Variants in AGO1 observed in about 807,000 individuals in gnomAD.
AGO1 encodes argonaute RISC component 1, also known as protein argonaute-1.
In AGO1, 11 loss-of-function variants were observed where a neutral mutation model predicts 109.2. That is an observed-to-expected ratio of 0.10 (90% CI 0.06 to 0.17). The LOEUF is 0.17. AGO1 is among the 10% of genes least tolerant of loss of function. The pLI, the probability that AGO1 is intolerant of heterozygous loss-of-function variation, is 1.00. For synonymous variants in AGO1, 422 were observed against 418.6 expected, an observed-to-expected ratio of 1.01 and a Z score of -0.10; for missense variants, 574 against 1,140.3, an observed-to-expected ratio of 0.50 and a Z score of 7.15.
intron 1 of AGO1, among the ~76,000 whole-genome samples, chr1:35,885,646 C>G (rs2148707325): frequency 6.6e-6 from 1 of 152,316 alleles, no homozygotes; most frequent in Admixed American, 6.5e-5. Flanking sequence ...CCCCCAAAAA[C>G]TAAAGCATTG....
intron 1 of AGO1, among the ~76,000 whole-genome samples, chr1:35,884,353 T>C (rs1315868862): frequency 3.3e-5 from 5 of 151,990 alleles, no homozygotes; most frequent in Admixed American, 6.5e-5. Flanking sequence ...GGAAAGGTAT[T>C]GGTTACGGAG....
intron 10 of AGO1, 30 bp downstream of exon 10, chr1:35,902,100 C>G: frequency 1.3e-6 from 2 of 1,588,582 alleles, no homozygotes; most frequent in Non-Finnish European, 1.7e-6. Context: ...GACAACATCT[C>G]GGGGCATATG....
At chr1:35,881,511 G>A (rs185542172), upstream of AGO1, among the ~76,000 whole-genome samples, 1 of 152,196 alleles carries the variant, frequency 6.6e-6, no homozygotes, top group African/African-American at 2.4e-5. Context: ...TAGTAGAGAC[G>A]AGACTTCACT....
In AGO1 at chr1:35,914,102, G is replaced by T. The variant is rs571075532; in HGVS notation, c.1743-82G>T. ...GGCAGACTGAATCAGACATAAGGGGGAGAAGAGCAGAGTGGGTACTGGATG... is the reference window on the plus strand; with the variant it reads ...GGCAGACTGAATCAGACATAAGGGGTAGAAGAGCAGAGTGGGTACTGGATG... On this transcript the variant is annotated intron_variant, in intron 13 of 18. Transcript: ENST00000373204. 1.9e-6 allele frequency: 3 copies of T among 1,591,400 alleles called. No homozygotes were observed. In the African/African-American group the frequency reaches 4.0e-5, roughly 21 times the overall value.
chr1:35,894,218 T>C, intron 6 of AGO1, 47 bp downstream of exon 6: 1 of 1,577,596 alleles, frequency 6.3e-7, no homozygotes, highest in Non-Finnish European at 8.6e-7. Flanking sequence ...ACTTTAGCCC[T>C]AAGAGGAAAT....
chr1:35,908,600 GTT>G (rs1194946119), intron 12 of AGO1, among the ~76,000 whole-genome samples: 1 of 152,162 alleles, frequency 6.6e-6, no homozygotes, highest in Non-Finnish European at 1.5e-5. Flanking sequence ...CTTAGAAAGT[GTT>G]TTGTTGGACC....
At chr1:35,870,346 C>G (rs1644938342) in intron 1 of AGO1, among the ~76,000 whole-genome samples, 1 of 151,934 alleles carries the variant, frequency 6.6e-6, no homozygotes, top group African/African-American at 2.4e-5. Context: ...TGCAGTGGCG[C>G]CATCTCGACC....
chr1:35,889,380 T>G (rs906597577), intron 2 of AGO1, among the ~76,000 whole-genome samples: 6 of 151,772 alleles, frequency 4.0e-5, no homozygotes, highest in African/African-American at 1.5e-4. Context: ...TGGCTAATTT[T>G]TTTGTATTTT....
intron 15 of AGO1, among the ~76,000 whole-genome samples, chr1:35,915,933 T>C (rs1645726624): frequency 6.6e-6 from 1 of 152,230 alleles, no homozygotes; most frequent in Admixed American, 6.5e-5. Context: ...GACAAGTTCT[T>C]AGGCGATGCT....
chr1:35,893,023 C>T lies in AGO1; in HGVS notation c.331-74C>T, dbSNP rs150823139. The T allele has an allele frequency of 1.1e-5, 15 of 1,410,418 alleles. No homozygotes were observed. The highest frequency in any genetic ancestry group is 1.2e-5 in the Non-Finnish European group (12 of 1,029,594). 87.4% of individuals were successfully genotyped at this position (1,410,418 alleles called of 1,614,324 possible). On this transcript the variant is annotated intron_variant, in intron 3 of 18. Transcript: ENST00000373204. This position sits in a 1 kb window ranked among gnomAD's most constrained non-coding sequence, Gnocchi z 5.6. ...ATCAACTTGAAAAACATGTTCTCAG[C>T]AAATCCATGGAGTTGGGGGTCATTC...
chr1:35,903,349 C>T lies in AGO1; in HGVS notation c.1397+1012C>T, dbSNP rs59728518. On this transcript the variant is annotated intron_variant, in intron 11 of 18. Transcript: ENST00000373204. ...TTATTGAGATAGGTTTAAAATGCCA[C>T]AAAACTCAGTTAGTTGTTTCATAGA... 8.0e-3 allele frequency among the ~76,000 whole-genome samples: 1,206 copies of T among 151,136 alleles called. 16 individuals are homozygous for T. The highest frequency in any genetic ancestry group is 0.028 in the African/African-American group (1,131 of 41,120).
intron 12 of AGO1, among the ~76,000 whole-genome samples, chr1:35,912,287 A>C (rs888087993): frequency 1.5e-5 from 2 of 135,010 alleles, no homozygotes; most frequent in South Asian, 5.2e-4. Flanking sequence ...TGAACCCGGG[A>C]GGCGGAGCTT....
chr1:35,896,332 G>A (rs1364975849), intron 8 of AGO1, among the ~76,000 whole-genome samples: 5 of 151,452 alleles, frequency 3.3e-5, no homozygotes, highest in Non-Finnish European at 7.4e-5. Flanking sequence ...CAAAGGGAAT[G>A]TACATTAACG....
intron 14 of AGO1, among the ~76,000 whole-genome samples, chr1:35,914,788 C>T (rs1444738474): frequency 6.6e-6 from 1 of 152,178 alleles, no homozygotes; most frequent in Non-Finnish European, 1.5e-5. Flanking sequence ...TCTGTAAGCA[C>T]ACTGGTCTTA....
rs1645793118 is a variant in AGO1 at position 35,919,424 on chromosome 1, C to T, written c.2466-75C>T. On this transcript the variant is annotated intron_variant, in intron 18 of 18. Coordinates refer to ENST00000373204, the MANE Select transcript of AGO1 (RefSeq NM_012199.5). The surrounding 1 kb of genome is among the most constrained non-coding windows in gnomAD (Gnocchi z 6.6). ...CTTAAGTTGGTATGGGAATTGGCAT[C>T]CCAGGGCTGGGCGAGGGAATTAGCA... 2 of 1,504,670 alleles carry T rather than the reference C, an allele frequency of 1.3e-6. No homozygotes were observed. The highest frequency in any genetic ancestry group is 2.8e-5 in the African/African-American group (2 of 72,544). 93.2% of individuals were successfully genotyped at this position (1,504,670 alleles called of 1,614,324 possible). A position where few individuals can be genotyped will look rare whatever the true frequency, so the allele number is the denominator to read the frequency against.
At chr1:35,911,164 G>C (rs1645626262) in intron 12 of AGO1, among the ~76,000 whole-genome samples, 1 of 152,114 alleles carries the variant, frequency 6.6e-6, no homozygotes. Flanking sequence ...TCTAGGAGTG[G>C]ATTTTAAGTA....
rs2148718986 is a variant in AGO1 at position 35,907,131 on chromosome 1, T to C, written c.1582+12T>C. ...GACGCCGGTGTATGGTACAGTTCTC[T>C]TGGGACAGTGATAATGGTGATAGGA... On this transcript the variant is annotated intron_variant, in intron 12 of 18. Coordinates refer to ENST00000373204, the MANE Select transcript of AGO1 (RefSeq NM_012199.5). 7 of 1,603,430 alleles carry C rather than the reference T, an allele frequency of 4.4e-6. No homozygotes were observed. Among genetic ancestry groups the C allele is most frequent in the Non-Finnish European group, 6.0e-6 (7 of 1,173,874 alleles).
At chr1:35,894,205 G>T (rs767378050) in intron 6 of AGO1, 34 bp downstream of exon 6, 9 of 1,569,164 alleles carry the variant, frequency 5.7e-6, no homozygotes, top group Admixed American at 1.8e-5. Flanking sequence ...GGGAAACAGC[G>T]CCACTTTAGC....
chr1:35,890,115 C>T (rs571833370), intron 2 of AGO1, among the ~76,000 whole-genome samples: 14 of 151,852 alleles, frequency 9.2e-5, no homozygotes, highest in East Asian at 1.9e-4. Context: ...CTCTGCCTCC[C>T]GGGTTCAAGC....
Sources: gnomAD v4.1 joint callset for allele counts (sites outside exome capture counted in the v4.1 genomes callset) on GRCh38, gnomAD v4.1.1 for gene constraint, Gnocchi (gnomAD v3.1) non-coding constraint, MANE v1.5 for transcripts, NCBI Gene and HGNC (gene_info 2026-07-23, HGNC 2026-07-21) for gene names.